Variants in SBF2 observed in about 807,000 individuals in gnomAD.
SBF2 encodes the protein SET binding factor 2.
In SBF2, 112 loss-of-function variants were observed where a neutral mutation model predicts 225.2. The observed-to-expected ratio is 0.50, with a 90% CI of 0.43 to 0.58. The LOEUF is 0.58. Among genes scored for constraint, SBF2 ranks in the 20% least tolerant of loss-of-function variants. SBF2 has a pLI of 0.00. For synonymous variants in SBF2, 763 were observed against 773.3 expected (o/e 0.99, Z 0.22); for missense variants, 1,996 against 2,206.2 (o/e 0.90, Z 1.91).
At chr11:9,963,917 T>C (rs1866740081) in intron 14 of SBF2, 35 bp from the exon 15 acceptor site, 1 of 1,233,182 alleles carries the variant, frequency 8.1e-7, no homozygotes, top group Non-Finnish European at 1.2e-6. Flanking sequence ...ACAAATAAAT[T>C]AAACTTCTTT....
chr11:9,885,641 G>A (rs1860229050), intron 17 of SBF2, among the ~76,000 whole-genome samples: 1 of 152,022 alleles, frequency 6.6e-6, no homozygotes. Context: ...TTCTATACAT[G>A]GTGATAGCAA....
intron 2 of SBF2, among the ~76,000 whole-genome samples, chr11:10,133,292 C>T (rs7120043): frequency 0.11 from 16,972 of 149,290 alleles, 1,953 homozygotes; most frequent in Non-Finnish European, 0.12. Context: ...GCCAGTCCTG[C>T]GCCGTGTGCT....
intron 9 of SBF2, among the ~76,000 whole-genome samples, chr11:9,994,687 T>C (rs1947610966): frequency 6.6e-6 from 1 of 151,842 alleles, no homozygotes; most frequent in African/African-American, 2.4e-5. Context: ...TTTGTCTATA[T>C]AGTTGAATTT....
At chr11:9,815,524 G>C (rs1854413227) in intron 29 of SBF2, among the ~76,000 whole-genome samples, 1 of 151,958 alleles carries the variant, frequency 6.6e-6, no homozygotes, top group African/African-American at 2.4e-5. Context: ...AGGGCAGGAG[G>C]AAGAGAGGGA....
Position 9,845,659 on chromosome 11 carries a change from G to T in SBF2, c.3016C>A (p.Pro1006Thr). Residue 1006 changes from proline (P) to threonine (T), a missense_variant, in exon 24 of 40, where the codon CCT (proline) becomes ACT (threonine). Coordinates refer to ENST00000256190, the MANE Select transcript of SBF2 (RefSeq NM_030962.4). ...GCAAAGGTACTGAAAATGGACTGAG[G>T]ATAACGGAACTTCATCAGCTGTTTC... The part of the protein sequence containing the change: ...FKKQLMKFRY[P>T]QSIFSTFAFA... 1 of 1,613,882 alleles carries T rather than the reference G, an allele frequency of 6.2e-7. No homozygotes were observed. The highest frequency in any genetic ancestry group is 1.7e-5 in the Admixed American group (1 of 60,022).
chr11:10,031,227 C>G, intron 3 of SBF2, 57 bp from the exon 4 acceptor site: 1 of 1,547,804 alleles, frequency 6.5e-7, no homozygotes, highest in Non-Finnish European at 8.9e-7. Flanking sequence ...GTTCATAATT[C>G]ACAAAAGATG....
chr11:10,126,931 A>T (rs1310481951), intron 2 of SBF2, among the ~76,000 whole-genome samples: 3 of 152,124 alleles, frequency 2.0e-5, no homozygotes, highest in African/African-American at 7.2e-5. Context: ...AATAAGTAAG[A>T]CACAAGAGAT....
chr11:10,248,675 A>G (rs1157959095), intron 1 of SBF2, among the ~76,000 whole-genome samples: 2 of 152,250 alleles, frequency 1.3e-5, no homozygotes, highest in Non-Finnish European at 2.9e-5. Flanking sequence ...TTTTGGTAAA[A>G]GATTATTAAA....
chr11:10,207,497 A>T (rs1279739785), intron 1 of SBF2, among the ~76,000 whole-genome samples: 2 of 152,134 alleles, frequency 1.3e-5, no homozygotes, highest in East Asian at 3.9e-4. Flanking sequence ...ACCTCTTCCC[A>T]GGGCAATATT....
At chr11:10,208,456 G>GT (rs1443515389) in intron 1 of SBF2, among the ~76,000 whole-genome samples, 3 of 152,026 alleles carry the variant, frequency 2.0e-5, no homozygotes, top group African/African-American at 4.8e-5. Flanking sequence ...TTCTGAACTT[G>GT]TTACAGTTAT....
At chr11:9,814,182 A>G (rs1427447625) in intron 29 of SBF2, among the ~76,000 whole-genome samples, 1 of 152,200 alleles carries the variant, frequency 6.6e-6, no homozygotes, top group Non-Finnish European at 1.5e-5. Flanking sequence ...CCTAGCTCTG[A>G]AGAAGATTTA....
intron 12 of SBF2, among the ~76,000 whole-genome samples, chr11:9,990,757 TAA>T (rs1253220943): frequency 1.3e-5 from 2 of 152,062 alleles, no homozygotes; most frequent in Non-Finnish European, 2.9e-5. Flanking sequence ...AATAAATAAA[TAA>T]AAAATAAGTT....
At chr11:9,929,034 T>C in intron 16 of SBF2, 1 of 448,972 alleles carries the variant, frequency 2.2e-6, no homozygotes, top group Non-Finnish European at 4.3e-6. Context: ...AGTGCAGTGC[T>C]TGTTCAAGAA....
intron 1 of SBF2, among the ~76,000 whole-genome samples, chr11:10,255,144 GA>G (rs1960759975): frequency 6.6e-6 from 1 of 151,822 alleles, no homozygotes; most frequent in East Asian, 1.9e-4. Context: ...TTAGCCAAAA[GA>G]AAAAGTTCAA....
At chr11:10,150,569 T>G (rs1228539971) in intron 2 of SBF2, among the ~76,000 whole-genome samples, 1 of 152,202 alleles carries the variant, frequency 6.6e-6, no homozygotes, top group Non-Finnish European at 1.5e-5. Context: ...AAAATTGTTT[T>G]GTTACAATAA....
At chr11:10,204,819 T>A (rs532963699) in intron 1 of SBF2, among the ~76,000 whole-genome samples, 1 of 151,956 alleles carries the variant, frequency 6.6e-6, no homozygotes, top group Non-Finnish European at 1.5e-5. Context: ...AGACAGGAAG[T>A]AAATTCATGG....
chr11:10,186,336 G>A (rs2135304901), intron 2 of SBF2, among the ~76,000 whole-genome samples: 1 of 152,248 alleles, frequency 6.6e-6, no homozygotes, highest in Middle Eastern at 3.4e-3. Context: ...CCAGGAGTTT[G>A]AGACCAGCCT....
intron 2 of SBF2, among the ~76,000 whole-genome samples, chr11:10,087,313 T>G (rs900139972): frequency 6.6e-6 from 1 of 152,226 alleles, no homozygotes; most frequent in African/African-American, 2.4e-5. Context: ...GACTGAGCCG[T>G]TGCAGTAGAA....
chr11:9,976,134 C>T (rs892255750), intron 13 of SBF2, among the ~76,000 whole-genome samples: 5 of 144,676 alleles, frequency 3.5e-5, no homozygotes, highest in Admixed American at 7.1e-5. Flanking sequence ...AGTGCAATGA[C>T]GTGATCTCGG....
Sources: gnomAD v4.1 joint callset for allele counts (sites outside exome capture counted in the v4.1 genomes callset) on GRCh38, gnomAD v4.1.1 for gene constraint, MANE v1.5 for transcripts, NCBI Gene and HGNC (gene_info 2026-07-23, HGNC 2026-07-21) for gene names.